Variants in ABCA6 observed in about 807,000 individuals in gnomAD.
ABCA6 encodes ATP-binding cassette sub-family A member 6.
A neutral mutation model predicts 191.2 loss-of-function variants in ABCA6; 164 were observed. The observed-to-expected ratio is 0.86, with a 90% CI of 0.76 to 0.98. The LOEUF is 0.98. Ranked by LOEUF, ABCA6 falls within the 50% of genes least tolerant of loss-of-function variation. The pLI is 0.00. For missense variants in ABCA6, 1,958 were observed against 1,894.1 expected (o/e 1.03, Z -0.63); for synonymous variants, 636 against 647.7 (o/e 0.98, Z 0.27).
chr17:69,113,648 A>C lies in ABCA6; in HGVS notation c.1872T>G (p.Thr624=), dbSNP rs750373122. 3.7e-6 allele frequency: 6 copies of C among 1,613,118 alleles called. No homozygotes were observed. In the South Asian group the frequency reaches 6.6e-5, roughly 18 times the overall value. ...HLSEGQKRKL[T]FGITILGDPQ... Reference sequence around the variant, plus strand: ...GATCTCCTAAAATGGTAATCCCAAAAGTCAGCTTTCTTTTCTGTCCTTCAC... The same window carrying C: ...GATCTCCTAAAATGGTAATCCCAAACGTCAGCTTTCTTTTCTGTCCTTCAC... Residue 624 remains threonine, a synonymous_variant, in exon 14 of 39, where the codon ACT becomes ACG. Transcript: ENST00000284425.
chr17:69,100,055 A>G (rs1168404582), intron 22 of ABCA6, among the ~76,000 whole-genome samples: 2 of 152,202 alleles, frequency 1.3e-5, no homozygotes, highest in Non-Finnish European at 2.9e-5. Context: ...AACCATGACT[A>G]CGTTAAGTTC....
intron 7 of ABCA6, 73 bp from the exon 8 acceptor site, chr17:69,128,877 A>G (rs1240549607): frequency 3.3e-6 from 4 of 1,205,822 alleles, no homozygotes; most frequent in Non-Finnish European, 4.6e-6. Context: ...CAGCCCAATC[A>G]AATAAGGATT....
chr17:69,120,832 A>C (rs2073626683), intron 10 of ABCA6, among the ~76,000 whole-genome samples: 1 of 152,096 alleles, frequency 6.6e-6, no homozygotes, highest in African/African-American at 2.4e-5. Flanking sequence ...ATATGTGTAC[A>C]CAATTGCCCC....
In ABCA6 at chr17:69,140,614, G is replaced by C. The variant is rs151236113; in HGVS notation, c.90C>G (p.Ser30Arg). 5.0e-6 allele frequency: 8 copies of C among 1,595,044 alleles called. No individual in the cohort carries two copies. Among genetic ancestry groups the C allele is most frequent in the Non-Finnish European group, 6.8e-6 (8 of 1,171,372 alleles). ...GACAAATTTTTAAACATACCAATAA[G>C]CTCTCTCTTTTCATCCTCCATTTCT... is the stretch of plus-strand genomic sequence containing the variant. ...FLKKWRMKRE[S>R]LLEWGLSILL... The change falls in exon 2 of 39, where the codon AGC becomes AGG. Residue 30 changes from serine to arginine, a missense_variant. Transcript: ENST00000284425.
intron 10 of ABCA6, among the ~76,000 whole-genome samples, chr17:69,121,993 G>C (rs2144691131): frequency 6.6e-6 from 1 of 152,046 alleles, no homozygotes; most frequent in African/African-American, 2.4e-5. Flanking sequence ...ATATGGGTTA[G>C]GCCTCTTTGT....
chr17:69,083,607 G>A (rs2072695783), intron 34 of ABCA6, among the ~76,000 whole-genome samples: 1 of 152,172 alleles, frequency 6.6e-6, no homozygotes, highest in Non-Finnish European at 1.5e-5. Flanking sequence ...ATTGGAGGGT[G>A]GAGAAAGGAA....
At chr17:69,098,817 G>A (rs1369648913) in intron 22 of ABCA6, among the ~76,000 whole-genome samples, 1 of 152,096 alleles carries the variant, frequency 6.6e-6, no homozygotes, top group Non-Finnish European at 1.5e-5. Context: ...GAGGGGGAAA[G>A]CTAATTGGCA....
chr17:69,112,523 G>T, intron 15 of ABCA6: 1 of 380,726 alleles, frequency 2.6e-6, no homozygotes, highest in Non-Finnish European at 4.8e-6. Context: ...TGGAACTGGA[G>T]TCTATTATCA....
At chr17:69,093,507 C>T (rs1273360281) in intron 25 of ABCA6, among the ~76,000 whole-genome samples, 2 of 152,168 alleles carry the variant, frequency 1.3e-5, no homozygotes, top group Non-Finnish European at 2.9e-5. Flanking sequence ...CAAGTCATGG[C>T]ATAAATGATA....
chr17:69,107,654 A>T (rs891094661), intron 18 of ABCA6, 42 bp downstream of exon 18: 1 of 1,273,218 alleles, frequency 7.9e-7, no homozygotes, highest in East Asian at 2.3e-5. Flanking sequence ...ACACATGATC[A>T]TTTGGGAATT....
chr17:69,105,943 T>C (rs1306575396), intron 19 of ABCA6, 85 bp downstream of exon 19: 67 of 1,405,068 alleles, frequency 4.8e-5, no homozygotes, highest in South Asian at 6.0e-5. Flanking sequence ...ATGTCAGATA[T>C]TGCGTTCTAG....
intron 3 of ABCA6, among the ~76,000 whole-genome samples, chr17:69,136,987 A>G (rs1276428431): frequency 6.6e-6 from 1 of 152,164 alleles, no homozygotes; most frequent in African/African-American, 2.4e-5. Context: ...CATGTTAAAA[A>G]CACACACAAT....
chr17:69,103,756 C>A (rs1302142969), intron 20 of ABCA6, among the ~76,000 whole-genome samples: 4 of 152,066 alleles, frequency 2.6e-5, no homozygotes, highest in African/African-American at 9.7e-5. Flanking sequence ...TCCCCACGTT[C>A]CACACAGAAC....
At chr17:69,103,037 T>A (rs1308944031) in intron 20 of ABCA6, 69 bp from the exon 21 acceptor site, 2 of 917,042 alleles carry the variant, frequency 2.2e-6, no homozygotes, top group Non-Finnish European at 3.2e-6. Context: ...TTAAAATAAG[T>A]CATATACATA....
intron 6 of ABCA6, among the ~76,000 whole-genome samples, chr17:69,130,110 G>C (rs1568033565): frequency 6.6e-6 from 1 of 152,022 alleles, no homozygotes; most frequent in African/African-American, 2.4e-5. Flanking sequence ...GAGGTCAAGA[G>C]TTCCAGACCA....
chr17:69,087,494 G>A, intron 28 of ABCA6, 21 bp from the exon 29 acceptor site: 1 of 1,612,612 alleles, frequency 6.2e-7, no homozygotes, highest in South Asian at 1.1e-5. Flanking sequence ...AATGAAATGT[G>A]TTACATGTGG....
At chr17:69,124,727 A>C (rs1258827916) in intron 9 of ABCA6, among the ~76,000 whole-genome samples, 161 bp downstream of exon 9, 1 of 151,894 alleles carries the variant, frequency 6.6e-6, no homozygotes, top group African/African-American at 2.4e-5. Context: ...TTTACATAAA[A>C]ATTTCATTAG....
At position 69,082,976 on chromosome 17, in the gene ABCA6, C is replaced by T. The variant is rs909477769; in HGVS notation, c.4513G>A (p.Gly1505Ser). The change falls in exon 36 of 39, where the codon GGC (glycine) becomes AGC (serine). Residue 1505 changes from glycine to serine, a missense_variant. Transcript: ENST00000284425. ...TTTAGCTCTAGAATGTAATCCTTGC[C>T]AAGTTTGTTTTTCAGGTGTTGGATG... is the stretch of plus-strand genomic sequence containing the variant. The part of the protein sequence containing the change: ...GSIQHLKNKL[G>S]KDYILELKVK... The T allele has an allele frequency of 6.2e-7, 1 of 1,613,992 alleles. No individual in the cohort carries two copies. The highest frequency in any genetic ancestry group is 8.5e-7 in the Non-Finnish European group (1 of 1,180,020).
intron 8 of ABCA6, among the ~76,000 whole-genome samples, chr17:69,128,196 T>C (rs2073788095): frequency 6.6e-6 from 1 of 152,140 alleles, no homozygotes; most frequent in Non-Finnish European, 1.5e-5. Flanking sequence ...AGTTCATAGA[T>C]ACTTTAATTT....
Sources: gnomAD v4.1 joint callset for allele counts (sites outside exome capture counted in the v4.1 genomes callset) on GRCh38, gnomAD v4.1.1 for gene constraint, MANE v1.5 for transcripts, NCBI Gene and HGNC (gene_info 2026-07-23, HGNC 2026-07-21) for gene names.